The following TCF7L1 variants were observed in gnomAD, a reference collection of about 807,000 sequenced individuals.
The protein encoded by TCF7L1 is transcription factor 7 like 1, also known as transcription factor 7-like 1.
Under a neutral mutation model 63.7 loss-of-function variants are expected in TCF7L1, and 18 were observed. That is an observed-to-expected ratio of 0.28 (90% CI 0.20 to 0.42). The LOEUF is 0.42. Among genes scored for constraint, TCF7L1 ranks in the 10% least tolerant of loss-of-function variants. The pLI is 1.00. For synonymous variants in TCF7L1, 355 were observed against 340.9 expected, an observed-to-expected ratio of 1.04 and a Z score of -0.46; for missense variants, 654 against 779.3, an observed-to-expected ratio of 0.84 and a Z score of 1.91.
intron 3 of TCF7L1, among the ~76,000 whole-genome samples, chr2:85,270,904 C>T (rs1261895549): frequency 6.6e-6 from 1 of 151,674 alleles, no homozygotes; most frequent in East Asian, 1.9e-4. Flanking sequence ...ACTTTGTTTC[C>T]CAGGCTGGTC....
chr2:85,236,129 G>C lies in TCF7L1; in HGVS notation c.442-47366G>C, dbSNP rs192703046. ...GATTGCACTGCTGCACCCCAGCCTG[G>C]GTGACAGAGCAAGACCTTGTCTCAA... is the stretch of plus-strand genomic sequence containing the variant. On this transcript the variant is annotated intron_variant, in intron 3 of 11. Transcript: ENST00000282111. Among the ~76,000 whole-genome samples, 15 of 152,074 alleles carry C rather than the reference G, an allele frequency of 9.9e-5. No homozygotes were observed. The East Asian group carries it at 2.7e-3, about 27-fold the overall frequency.
At chr2:85,154,560 G>GT (rs1574081677) in intron 3 of TCF7L1, among the ~76,000 whole-genome samples, 1 of 152,102 alleles carries the variant, frequency 6.6e-6, no homozygotes, top group Non-Finnish European at 1.5e-5. Flanking sequence ...CACCCCATGC[G>GT]TAAGTCTCAC....
Position 85,162,315 on chromosome 2 carries a change from G to A in TCF7L1, c.441+27865G>A, listed in dbSNP as rs934122148. Among the ~76,000 whole-genome samples the A allele has an allele frequency of 3.9e-5, 6 of 152,130 alleles. 1 individual carries two copies. Among genetic ancestry groups the A allele is most frequent in the Admixed American group, 1.3e-4 (2 of 15,268 alleles). Reference sequence around the variant, plus strand: ...TGTGCCCAGAATCTCTGGACATGGGGCCCTGGAACATACATTTATTCAAAG... The same window carrying A: ...TGTGCCCAGAATCTCTGGACATGGGACCCTGGAACATACATTTATTCAAAG... On this transcript the variant is annotated intron_variant, in intron 3 of 11. Coordinates refer to ENST00000282111, the MANE Select transcript of TCF7L1 (RefSeq NM_031283.3).
chr2:85,150,357 C>T (rs576553229), intron 3 of TCF7L1, among the ~76,000 whole-genome samples: 1 of 152,254 alleles, frequency 6.6e-6, no homozygotes, highest in East Asian at 1.9e-4. Context: ...CCTCAGCCTC[C>T]TGAGTAGCTG....
rs181130123 is a variant in TCF7L1, at chr2:85,283,222, G to A, written c.442-273G>A. On this transcript the variant is annotated intron_variant, in intron 3 of 11. Transcript: ENST00000282111. ...TTGATTGGTTGTGCTGGAATGGATCGGTTCTCTCCACCACTTAAAGTTCAG... is the reference window on the plus strand; with the variant it reads ...TTGATTGGTTGTGCTGGAATGGATCAGTTCTCTCCACCACTTAAAGTTCAG... 2.7e-5 allele frequency among the ~76,000 whole-genome samples: 4 copies of A among 149,986 alleles called. No individual in the cohort carries two copies. The East Asian group carries it at 5.9e-4, about 22-fold the overall frequency.
chr2:85,195,095 T>C (rs1290671884), intron 3 of TCF7L1, among the ~76,000 whole-genome samples: 1 of 152,214 alleles, frequency 6.6e-6, no homozygotes, highest in East Asian at 1.9e-4. Context: ...TGAAGCAAGA[T>C]CATCTGGGTT....
At chr2:85,196,632 A>G (rs1246251470) in intron 3 of TCF7L1, among the ~76,000 whole-genome samples, 2 of 152,002 alleles carry the variant, frequency 1.3e-5, no homozygotes, top group African/African-American at 4.8e-5. Flanking sequence ...GACCTCCTAA[A>G]GTGCTGGGAT....
intron 3 of TCF7L1, among the ~76,000 whole-genome samples, chr2:85,212,890 AC>A (rs911628871): frequency 3.3e-5 from 5 of 151,772 alleles, no homozygotes; most frequent in African/African-American, 1.2e-4. Flanking sequence ...GGGTCAGAGG[AC>A]CCTTCTGTGT....
chr2:85,275,919 C>A (rs866148549), intron 3 of TCF7L1, among the ~76,000 whole-genome samples: 479 of 106,706 alleles, frequency 4.5e-3, no homozygotes, highest in Middle Eastern at 0.015. Context: ...GACTCCATCT[C>A]AAAAAAAAAA....
chr2:85,206,510 G>C (rs929303999), intron 3 of TCF7L1, among the ~76,000 whole-genome samples: 1 of 152,182 alleles, frequency 6.6e-6, no homozygotes, highest in Non-Finnish European at 1.5e-5. Context: ...GGTACTCTTT[G>C]TAAGTCATGA....
intron 3 of TCF7L1, among the ~76,000 whole-genome samples, chr2:85,163,892 C>T (rs765038535): frequency 6.6e-6 from 1 of 152,116 alleles, no homozygotes; most frequent in Non-Finnish European, 1.5e-5. Context: ...GTAATGACCT[C>T]ATTTAACTTG....
intron 4 of TCF7L1, among the ~76,000 whole-genome samples, chr2:85,285,748 T>A (rs1191127616): frequency 6.6e-6 from 1 of 152,208 alleles, no homozygotes; most frequent in African/African-American, 2.4e-5. Flanking sequence ...CAGCCATCTC[T>A]GTTTCAGATC....
At chr2:85,246,599 C>T (rs1001397316) in intron 3 of TCF7L1, among the ~76,000 whole-genome samples, 4 of 152,202 alleles carry the variant, frequency 2.6e-5, no homozygotes, top group African/African-American at 9.7e-5. Context: ...AGGCTCTCCA[C>T]GCAGGTCTCC....
At chr2:85,211,715 A>G (rs1310212778) in intron 3 of TCF7L1, among the ~76,000 whole-genome samples, 2 of 152,228 alleles carry the variant, frequency 1.3e-5, no homozygotes, top group Non-Finnish European at 2.9e-5. Context: ...GGCATGACCT[A>G]TGCCCGTGGG....
chr2:85,163,505 G>A (rs1678336326), intron 3 of TCF7L1, among the ~76,000 whole-genome samples: 1 of 152,154 alleles, frequency 6.6e-6, no homozygotes, highest in Non-Finnish European at 1.5e-5. Flanking sequence ...ATTTCAGATC[G>A]ATCAGTGGGC....
Position 85,260,820 on chromosome 2 carries a change from T to G in TCF7L1, c.442-22675T>G, listed in dbSNP as rs1680841811. Among the ~76,000 whole-genome samples, 4 of 152,232 alleles carry G rather than the reference T, an allele frequency of 2.6e-5. No homozygotes were observed. The South Asian group carries it at 8.3e-4, about 32-fold the overall frequency. On this transcript the variant is annotated intron_variant, in intron 3 of 11. Coordinates refer to ENST00000282111, the MANE Select transcript of TCF7L1 (RefSeq NM_031283.3). ...GGAAAAAAGAAAACTCAGTATCACA[T>G]ACTCAGCCCCTTCTGATAGAACAGG... is the stretch of plus-strand genomic sequence containing the variant.
At chr2:85,308,445 C>CTGTT (rs1682185259) in intron 11 of TCF7L1, among the ~76,000 whole-genome samples, 1 of 38,372 alleles carries the variant, frequency 2.6e-5, no homozygotes, top group Non-Finnish European at 6.4e-5. Context: ...CCCTCCCTTT[C>CTGTT]TCTTTCCCTC....
At chr2:85,173,682 C>G (rs1670492354) in intron 3 of TCF7L1, among the ~76,000 whole-genome samples, 1 of 152,158 alleles carries the variant, frequency 6.6e-6, no homozygotes, top group African/African-American at 2.4e-5. Context: ...ACTACGGTGC[C>G]TGGTTTAAGC....
chr2:85,209,083 C>T (rs1168871277), intron 3 of TCF7L1, among the ~76,000 whole-genome samples: 4 of 152,304 alleles, frequency 2.6e-5, no homozygotes, highest in Admixed American at 2.0e-4. Flanking sequence ...GTGGGACAGA[C>T]GAATGTTACA....
Sources: gnomAD v4.1 joint callset for allele counts (sites outside exome capture counted in the v4.1 genomes callset) on GRCh38, gnomAD v4.1.1 for gene constraint, MANE v1.5 for transcripts, NCBI Gene and HGNC (gene_info 2026-07-23, HGNC 2026-07-21) for gene names.